STAC: variants seen among roughly 807,000 people sequenced by gnomAD.
STAC encodes the protein SH3 and cysteine-rich domain-containing protein.
Under a neutral mutation model 48.8 loss-of-function variants are expected in STAC, and 43 were observed. The ratio of observed to expected loss-of-function variants is 0.88; its 90% CI spans 0.69 to 1.14. The LOEUF (loss-of-function observed/expected upper bound fraction) is 1.14, where lower values mean the gene tolerates loss of function less well. Ranked by LOEUF, STAC falls within the 50% of genes most tolerant of loss-of-function variation. STAC has a pLI of 0.00. For missense variants in STAC, 497 were observed against 504.0 expected (o/e 0.99, Z 0.13); for synonymous variants, 193 against 179.5 (o/e 1.07, Z -0.60).
At chr3:36,403,361 G>A (rs1353848950) in intron 1 of STAC, among the ~76,000 whole-genome samples, 1 of 151,566 alleles carries the variant, frequency 6.6e-6, no homozygotes, top group African/African-American at 2.4e-5. Context: ...GTTGACACAG[G>A]TCAACCAGTC....
intron 2 of STAC, among the ~76,000 whole-genome samples, chr3:36,459,546 C>T (rs995679411): frequency 6.6e-6 from 1 of 152,192 alleles, no homozygotes; most frequent in African/African-American, 2.4e-5. Context: ...ACATAGTGTA[C>T]AGATTGCTCT....
At chr3:36,395,932 TA>T (rs35371109) in intron 1 of STAC, among the ~76,000 whole-genome samples, 63,914 of 147,824 alleles carry the variant, frequency 0.43, 13,595 homozygotes, top group African/African-American at 0.47. Context: ...CCACAAAGTT[TA>T]AAAAAAAAAA....
chr3:36,517,709 C>A (rs1180122218), intron 8 of STAC, among the ~76,000 whole-genome samples: 12 of 152,030 alleles, frequency 7.9e-5, no homozygotes, highest in Admixed American at 2.6e-4. Context: ...AACTGGAGAA[C>A]CCTATTATAA....
At chr3:36,459,309 G>A (rs925273644) in intron 2 of STAC, 2 of 152,064 alleles carry the variant, frequency 1.3e-5, no homozygotes, top group African/African-American at 4.8e-5. Flanking sequence ...AAAGCCACAA[G>A]TGGAAACAAT....
rs552330676 is a variant in STAC at position 36,453,515 on chromosome 3, C to T, written c.388+9875C>T. 2.6e-5 allele frequency among the ~76,000 whole-genome samples: 4 copies of T among 152,326 alleles called. No individual in the cohort carries two copies. The South Asian group carries it at 8.3e-4, about 32-fold the overall frequency. ...CCAGCAGCTGCTGTGCTCAATTTCT[C>T]GCGGGGCCTTAGCTGCCTTCCCGCG... On this transcript the variant is annotated intron_variant, in intron 2 of 10. Coordinates refer to ENST00000273183, the MANE Select transcript of STAC (RefSeq NM_003149.3).
intron 10 of STAC, among the ~76,000 whole-genome samples, chr3:36,540,321 G>T (rs1699293849): frequency 1.3e-5 from 2 of 152,090 alleles, no homozygotes; most frequent in South Asian, 4.1e-4. Context: ...CAAATTTGGG[G>T]TAATTTATTG....
chr3:36,469,980 A>G (rs1423043023), intron 2 of STAC, among the ~76,000 whole-genome samples: 1 of 151,960 alleles, frequency 6.6e-6, no homozygotes, highest in Non-Finnish European at 1.5e-5. Context: ...ATCCTGTATC[A>G]TGTTTTTTAT....
chr3:36,422,982 TCCTCTC>T (rs1700482236), intron 1 of STAC, among the ~76,000 whole-genome samples: 1 of 152,108 alleles, frequency 6.6e-6, no homozygotes, highest in Non-Finnish European at 1.5e-5. Context: ...AGATATTTAT[TCCTCTC>T]TCACATAGGT....
chr3:36,415,451 G>A (rs1022952894), intron 1 of STAC, among the ~76,000 whole-genome samples: 11 of 152,322 alleles, frequency 7.2e-5, no homozygotes, highest in Admixed American at 2.0e-4. Context: ...CTCCGTGGGC[G>A]TGGGATATAA....
intron 1 of STAC, among the ~76,000 whole-genome samples, chr3:36,403,882 T>A (rs1375226496): frequency 2.0e-5 from 3 of 152,104 alleles, no homozygotes; most frequent in Non-Finnish European, 4.4e-5. Context: ...AAACAAGTCA[T>A]CAACATGTCT....
intron 1 of STAC, among the ~76,000 whole-genome samples, chr3:36,435,650 C>T (rs1190954635): frequency 3.9e-5 from 6 of 152,160 alleles, no homozygotes; most frequent in Non-Finnish European, 5.9e-5. Context: ...TTCTTCCAGC[C>T]GTCCTCTCCT....
In STAC at chr3:36,443,492, C is replaced by T; in HGVS notation, c.240C>T (p.Ser80=). The change falls in exon 2 of 11, where the codon AGC becomes AGT. Residue 80 remains serine (S), a synonymous_variant. Coordinates refer to ENST00000273183, the MANE Select transcript of STAC (RefSeq NM_003149.3). This position sits in a 1 kb window ranked among gnomAD's most constrained non-coding sequence, Gnocchi z 4.2. ...AAGCACACATGGTGGCTGAGATCAG[C>T]CCCAGCTCCAGCCCACTCCCTGCTC... The part of the protein sequence containing the change: ...KLQAHMVAEI[S]PSSSPLPAPG... 6.2e-7 allele frequency: 1 copy of T among 1,614,234 alleles called. No homozygotes were observed.
intron 1 of STAC, among the ~76,000 whole-genome samples, chr3:36,388,135 T>C (rs967109543): frequency 6.6e-6 from 1 of 152,178 alleles, no homozygotes; most frequent in African/African-American, 2.4e-5. Flanking sequence ...CTTCGTCCAT[T>C]TTAAAATTAG....
chr3:36,429,779 A>G (rs1024975605), intron 1 of STAC, among the ~76,000 whole-genome samples: 20 of 152,250 alleles, frequency 1.3e-4, no homozygotes, highest in Middle Eastern at 3.4e-3. Context: ...CCAACTCCTT[A>G]CACTATACTG....
intron 8 of STAC, among the ~76,000 whole-genome samples, chr3:36,509,774 T>C (rs1454948074): frequency 6.6e-6 from 1 of 152,074 alleles, no homozygotes; most frequent in Admixed American, 6.6e-5. Flanking sequence ...ACACTGAAAC[T>C]GGACCCCTGC....
At chr3:36,444,243 T>C (rs1696441994) in intron 2 of STAC, among the ~76,000 whole-genome samples, 1 of 152,208 alleles carries the variant, frequency 6.6e-6, no homozygotes, top group South Asian at 2.1e-4. Context: ...CTCATTTTCT[T>C]CTTTTAAATG....
chr3:36,437,491 T>C (rs1211914336), intron 1 of STAC, among the ~76,000 whole-genome samples: 4 of 151,086 alleles, frequency 2.6e-5, no homozygotes, highest in Admixed American at 6.6e-5. Flanking sequence ...ATGGATGAAA[T>C]TGGAAATCAT....
intron 4 of STAC, chr3:36,485,627 T>TCC (rs879440490): frequency 6.5e-6 from 1 of 152,838 alleles, no homozygotes; most frequent in Admixed American, 6.5e-5. Context: ...ATTATTTTTT[T>TCC]TCTCTCTCTG....
intron 1 of STAC, among the ~76,000 whole-genome samples, chr3:36,436,359 G>A (rs1485051429): frequency 2.0e-5 from 3 of 152,138 alleles, no homozygotes; most frequent in Non-Finnish European, 2.9e-5. Context: ...ATAAAAGTCA[G>A]AGCCTGTCAC....
Sources: allele counts gnomAD v4.1 joint callset (sites outside exome capture counted in the v4.1 genomes callset), GRCh38; gene constraint gnomAD v4.1.1; non-coding constraint Gnocchi (gnomAD v3.1); transcripts MANE v1.5; gene names NCBI Gene and HGNC (gene_info 2026-07-23, HGNC 2026-07-21).